TASP1: variants seen among roughly 807,000 people sequenced by gnomAD.
TASP1 encodes taspase 1.
Under a neutral mutation model 56.6 loss-of-function variants are expected in TASP1, and 16 were observed. The ratio of observed to expected loss-of-function variants is 0.28; its 90% CI spans 0.19 to 0.43. The LOEUF is 0.43. Ranked by LOEUF, TASP1 falls within the 20% of genes least tolerant of loss-of-function variation. The pLI is 1.00. For synonymous variants in TASP1, 179 were observed against 184.2 expected (o/e 0.97, Z 0.23); for missense variants, 393 against 511.6 (o/e 0.77, Z 2.24).
chr20:13,359,746 A>G, the TASP1 span, among the ~76,000 whole-genome samples: 1 of 151,910 alleles, frequency 6.6e-6, no homozygotes, highest in East Asian at 1.9e-4. Context: ...TAACTAAATT[A>G]TCTGCTTCCC....
At chr20:13,515,670 C>A (rs1421524483) in intron 10 of TASP1, among the ~76,000 whole-genome samples, 2 of 151,442 alleles carry the variant, frequency 1.3e-5, no homozygotes, top group African/African-American at 4.9e-5. Flanking sequence ...CTTACACTGA[C>A]AATGTCCAGG....
chr20:13,111,168 T>C, the TASP1 span, among the ~76,000 whole-genome samples: 1 of 152,170 alleles, frequency 6.6e-6, no homozygotes, highest in African/African-American at 2.4e-5. Context: ...TCTGCCCCCA[T>C]GGTTAGGGTT....
At chr20:13,110,282 G>T in the TASP1 span, 1 of 1,360,608 alleles carries the variant, frequency 7.3e-7, no homozygotes, top group South Asian at 1.3e-5. Flanking sequence ...AGTGCGGAAA[G>T]GCTCACCTTT....
chr20:13,350,780 C>T, the TASP1 span, among the ~76,000 whole-genome samples: 1 of 151,948 alleles, frequency 6.6e-6, no homozygotes, highest in African/African-American at 2.4e-5. Context: ...CAGCCTTGAA[C>T]TGCTAGGCAC....
At chr20:13,348,926 C>T in the TASP1 span, among the ~76,000 whole-genome samples, 5 of 152,200 alleles carry the variant, frequency 3.3e-5, no homozygotes, top group African/African-American at 1.2e-4. Flanking sequence ...GTGCAAAACG[C>T]CCATGTCCTG....
At chr20:13,221,981 C>G in the TASP1 span, 1 of 1,263,718 alleles carries the variant, frequency 7.9e-7, no homozygotes, top group Non-Finnish European at 1.0e-6. Flanking sequence ...GGGTGCTGAG[C>G]TAGTGCCGGG....
the TASP1 span, among the ~76,000 whole-genome samples, chr20:13,235,640 C>A: frequency 1.3e-5 from 2 of 152,132 alleles, no homozygotes; most frequent in African/African-American, 4.8e-5. Flanking sequence ...ATGATTCGGC[C>A]CCCACCAAGG....
chr20:13,140,419 C>A, the TASP1 span, among the ~76,000 whole-genome samples: 1 of 152,116 alleles, frequency 6.6e-6, no homozygotes, highest in South Asian at 2.1e-4. Flanking sequence ...TGGCACCCAG[C>A]CCTTGAGTAA....
chr20:13,120,884 T>G, the TASP1 span, among the ~76,000 whole-genome samples: 1 of 152,168 alleles, frequency 6.6e-6, no homozygotes, highest in Admixed American at 6.5e-5. Flanking sequence ...TTTGCTCACT[T>G]TGGGTTTGGA....
the TASP1 span, among the ~76,000 whole-genome samples, chr20:13,123,054 G>A: frequency 2.1e-3 from 319 of 152,310 alleles, no homozygotes; most frequent in Middle Eastern, 0.014. Context: ...TACTCGGCCA[G>A]GCGTGGTGGC....
chr20:13,487,909 T>C (rs1568865940), intron 10 of TASP1, among the ~76,000 whole-genome samples: 3 of 152,134 alleles, frequency 2.0e-5, no homozygotes, highest in Non-Finnish European at 4.4e-5. Context: ...AACTAAAAAA[T>C]CATTCTTAGC....
chr20:13,257,250 C>T, the TASP1 span, among the ~76,000 whole-genome samples: 1 of 152,148 alleles, frequency 6.6e-6, no homozygotes, highest in African/African-American at 2.4e-5. Context: ...CTCGATGGCT[C>T]ATGCCTGTAA....
At chr20:13,317,061 A>G in the TASP1 span, among the ~76,000 whole-genome samples, 1 of 152,060 alleles carries the variant, frequency 6.6e-6, no homozygotes, top group African/African-American at 2.4e-5. Context: ...TCAACAAAAA[A>G]TCTGGAATTA....
At chr20:13,184,116 ATATT>A in the TASP1 span, among the ~76,000 whole-genome samples, 2 of 152,146 alleles carry the variant, frequency 1.3e-5, no homozygotes, top group South Asian at 4.1e-4. Context: ...TATTCAAGAA[ATATT>A]TATTAAGTAT....
chr20:13,418,237 C>A (rs115717327), intron 12 of TASP1, among the ~76,000 whole-genome samples: 2 of 152,062 alleles, frequency 1.3e-5, no homozygotes, highest in East Asian at 3.9e-4. Flanking sequence ...CCATTCTCTA[C>A]GAAAAAGAAC....
chr20:13,165,128 G>T, the TASP1 span: 3 of 361,194 alleles, frequency 8.3e-6, no homozygotes, highest in Admixed American at 8.8e-5. Flanking sequence ...ACACTTCTGA[G>T]AATATTTTTA....
chr20:13,140,632 A>G, the TASP1 span, among the ~76,000 whole-genome samples: 3 of 149,666 alleles, frequency 2.0e-5, no homozygotes, highest in Non-Finnish European at 4.5e-5. Context: ...ATTCTACAGC[A>G]TATCTACAGG....
intron 11 of TASP1, among the ~76,000 whole-genome samples, chr20:13,435,665 G>A (rs1410456423): frequency 6.6e-6 from 1 of 152,180 alleles, no homozygotes; most frequent in Admixed American, 6.5e-5. Flanking sequence ...TTTCTATGAT[G>A]AGAGTCTGGT....
At chr20:13,520,867 C>G (rs2044723265) in intron 10 of TASP1, among the ~76,000 whole-genome samples, 2 of 152,124 alleles carry the variant, frequency 1.3e-5, no homozygotes, top group Non-Finnish European at 1.5e-5. Context: ...TTTTTGCAAT[C>G]TACTCATCTG....
Sources: allele counts gnomAD v4.1 joint callset (sites outside exome capture counted in the v4.1 genomes callset), GRCh38; gene constraint gnomAD v4.1.1; transcripts MANE v1.5; gene names NCBI Gene and HGNC (gene_info 2026-07-23, HGNC 2026-07-21).